KCNN2: variants seen among roughly 807,000 people sequenced by gnomAD.
KCNN2 encodes potassium calcium-activated channel subfamily N member 2.
Under a neutral mutation model 55.5 loss-of-function variants are expected in KCNN2, and 24 were observed. The ratio of observed to expected loss-of-function variants is 0.43; its 90% CI spans 0.31 to 0.61. The LOEUF (loss-of-function observed/expected upper bound fraction) is 0.61, where lower values mean the gene tolerates loss of function less well. Ranked by LOEUF, KCNN2 falls within the 20% of genes least tolerant of loss-of-function variation. KCNN2 has a pLI of 0.08. For synonymous variants in KCNN2, 431 were observed against 336.1 expected, an observed-to-expected ratio of 1.28 and a Z score of -3.09; for missense variants, 754 against 853.6, an observed-to-expected ratio of 0.88 and a Z score of 1.45.
At chr5:114,140,359 T>G (rs1752252135) in intron 1 of KCNN2, among the ~76,000 whole-genome samples, 1 of 152,224 alleles carries the variant, frequency 6.6e-6, no homozygotes, top group South Asian at 2.1e-4. Flanking sequence ...TGGGCTGTGC[T>G]GCTTTGCCTT....
upstream of KCNN2, among the ~76,000 whole-genome samples, chr5:114,359,498 G>C (rs930633991): frequency 6.6e-6 from 1 of 152,156 alleles, no homozygotes; most frequent in Admixed American, 6.5e-5. Flanking sequence ...AGCCTCTGTT[G>C]AAGCCGTGAA....
chr5:114,201,896 G>A (rs1427872351), intron 1 of KCNN2, among the ~76,000 whole-genome samples: 2 of 151,630 alleles, frequency 1.3e-5, no homozygotes, highest in Admixed American at 6.6e-5. Flanking sequence ...TGAGGTCAAG[G>A]CACCACTCAG....
chr5:114,219,467 A>G (rs538624269), intron 1 of KCNN2, among the ~76,000 whole-genome samples: 2 of 152,224 alleles, frequency 1.3e-5, no homozygotes, highest in East Asian at 3.9e-4. Flanking sequence ...CGGGGTGGGT[A>G]GGTAATCCTC....
intron 4 of KCNN2, among the ~76,000 whole-genome samples, chr5:114,465,123 G>A (rs1200707359): frequency 6.6e-6 from 1 of 152,150 alleles, no homozygotes; most frequent in African/African-American, 2.4e-5. Context: ...AGGCTTATTT[G>A]CCATGGAATC....
At chr5:114,222,794 C>T (rs1308524070) in intron 2 of KCNN2, among the ~76,000 whole-genome samples, 1 of 152,102 alleles carries the variant, frequency 6.6e-6, no homozygotes, top group Non-Finnish European at 1.5e-5. Flanking sequence ...TTGGTACTTC[C>T]TAATAAGTCA....
At chr5:114,199,952 A>T (rs1180494700) in intron 1 of KCNN2, among the ~76,000 whole-genome samples, 1 of 151,830 alleles carries the variant, frequency 6.6e-6, no homozygotes, top group Non-Finnish European at 1.5e-5. Context: ...TCTTTCTTTC[A>T]CTTTGACTTT....
chr5:114,348,319 G>A (rs944905217), intron 2 of KCNN2, among the ~76,000 whole-genome samples: 4 of 151,594 alleles, frequency 2.6e-5, no homozygotes, highest in African/African-American at 7.3e-5. Flanking sequence ...TATACCTAAT[G>A]CTAAATGACG....
chr5:114,272,280 C>CAT (rs1755355315), intron 2 of KCNN2, among the ~76,000 whole-genome samples: 1 of 53,922 alleles, frequency 1.9e-5, no homozygotes, highest in East Asian at 6.6e-4. Context: ...GTACATATCA[C>CAT]ACACACATAT....
intron 4 of KCNN2, among the ~76,000 whole-genome samples, chr5:114,464,509 G>C (rs1325154130): frequency 6.6e-6 from 1 of 152,162 alleles, no homozygotes; most frequent in Non-Finnish European, 1.5e-5. Flanking sequence ...CTGAGTGGTG[G>C]CCAGTGGAGG....
At chr5:114,156,564 G>A (rs1752639593) in intron 1 of KCNN2, among the ~76,000 whole-genome samples, 1 of 152,100 alleles carries the variant, frequency 6.6e-6, no homozygotes, top group Admixed American at 6.6e-5. Context: ...TCTTGGAGCA[G>A]TGGTTTGTAG....
intron 2 of KCNN2, among the ~76,000 whole-genome samples, chr5:114,249,158 T>G (rs1213521132): frequency 6.6e-6 from 1 of 152,152 alleles, no homozygotes; most frequent in Non-Finnish European, 1.5e-5. Context: ...GTTCTGCTGA[T>G]GATTCAATGG....
chr5:114,412,241 GAA>G (rs1457031001), intron 3 of KCNN2, among the ~76,000 whole-genome samples: 1 of 152,146 alleles, frequency 6.6e-6, no homozygotes, highest in East Asian at 1.9e-4. Flanking sequence ...GATTTAAAAT[GAA>G]TACCCTTGTT....
At chr5:114,285,942 G>A (rs1319498960) in intron 2 of KCNN2, among the ~76,000 whole-genome samples, 1 of 147,986 alleles carries the variant, frequency 6.8e-6, no homozygotes. Context: ...TTTCTCTGAC[G>A]GAGTTTCACC....
At chr5:114,425,477 T>C (rs1759592936) in intron 3 of KCNN2, among the ~76,000 whole-genome samples, 1 of 152,172 alleles carries the variant, frequency 6.6e-6, no homozygotes, top group African/African-American at 2.4e-5. Context: ...TCCATAGTGA[T>C]TGACAATCCC....
chr5:114,319,301 T>G (rs1413639292), intron 2 of KCNN2, among the ~76,000 whole-genome samples: 1 of 152,132 alleles, frequency 6.6e-6, no homozygotes, highest in African/African-American at 2.4e-5. Flanking sequence ...GGGAGGCTTC[T>G]TAAGGGGATG....
At chr5:114,270,656 T>C (rs1186538086) in intron 2 of KCNN2, among the ~76,000 whole-genome samples, 1 of 152,214 alleles carries the variant, frequency 6.6e-6, no homozygotes, top group African/African-American at 2.4e-5. Context: ...ACTCCCATTA[T>C]GGGCAAGTTG....
At chr5:114,399,237 G>A (rs1419201213) in intron 2 of KCNN2, among the ~76,000 whole-genome samples, 1 of 152,172 alleles carries the variant, frequency 6.6e-6, no homozygotes, top group Non-Finnish European at 1.5e-5. Context: ...AGTTTGTTGA[G>A]GGGTTTTAAC....
intron 2 of KCNN2, among the ~76,000 whole-genome samples, chr5:114,351,442 T>C (rs1757202121): frequency 6.6e-6 from 1 of 151,820 alleles, no homozygotes; most frequent in African/African-American, 2.4e-5. Context: ...TGTTTCTTTT[T>C]ATTACCTAAC....
At chr5:114,228,175 G>A (rs1207286025) in intron 2 of KCNN2, among the ~76,000 whole-genome samples, 1 of 152,050 alleles carries the variant, frequency 6.6e-6, no homozygotes, top group Non-Finnish European at 1.5e-5. Flanking sequence ...GTCTTGAGAT[G>A]TCATTTCAAT....
Sources: allele counts gnomAD v4.1 joint callset (sites outside exome capture counted in the v4.1 genomes callset), GRCh38; gene constraint gnomAD v4.1.1; transcripts MANE v1.5; gene names NCBI Gene and HGNC (gene_info 2026-07-23, HGNC 2026-07-21).